NDE1: variants seen among roughly 807,000 people sequenced by gnomAD.
NDE1 encodes the protein nuclear distribution protein nudE homolog 1.
NDE1 carries 28 observed loss-of-function variants against 43.4 expected under a neutral mutation model. The observed-to-expected ratio is 0.65, with a 90% CI of 0.48 to 0.89. NDE1 has a LOEUF of 0.89. NDE1 is among the 40% of genes least tolerant of loss of function. NDE1 has a pLI of 0.00. For synonymous variants in NDE1, 184 were observed against 172.0 expected (o/e 1.07, Z -0.55); for missense variants, 441 against 434.1 (o/e 1.02, Z -0.14).
At position 15,725,214 on chromosome 16, in the gene NDE1, G is replaced by A. The variant is rs916061965; in HGVS notation, c.*963G>A. The A allele has an allele frequency of 4.1e-5, 25 of 612,940 alleles. No homozygotes were observed. The highest frequency in any genetic ancestry group is 6.9e-5 in the Non-Finnish European group (24 of 349,048). The allele number at this position is 612,940 out of a possible 1,614,324, so 38.0% of individuals were successfully genotyped here. The stretch of plus-strand genomic sequence containing the variant: ...GGGAACTCCGTCACCTATGAGTTGG[G>A]ACCCTGGCCCTAGACTCTGTGGTTC... On this transcript the variant is annotated 3_prime_UTR_variant, in exon 9 of 9. Transcript: ENST00000396354.
chr16:15,721,637 A>G (rs112078377), intron 8 of NDE1: 7 of 1,613,976 alleles, frequency 4.3e-6, no homozygotes, highest in African/African-American at 2.7e-5. Flanking sequence ...GCTAACAACT[A>G]CAACACAAGA....
chr16:15,694,750 C>G, intron 7 of NDE1: 9 of 985,410 alleles, frequency 9.1e-6, no homozygotes, highest in Non-Finnish European at 1.1e-5. Context: ...ACTCAGAGCT[C>G]TGACTCGAAG....
chr16:15,696,863 C>T lies in NDE1; in HGVS notation c.947+3C>T, dbSNP rs1229212912. The T allele has an allele frequency of 1.2e-6, 2 of 1,614,016 alleles. No homozygotes were observed. The highest frequency in any genetic ancestry group is 1.7e-6 in the Non-Finnish European group (2 of 1,180,002). ...AGCGTGCCTTTGGGTGATAAGGGGT[C>T]AGTACCTTCTAATAAACCTCTCGCT... On this transcript the variant is annotated splice_donor_region_variant and intron_variant, in intron 8 of 8. Coordinates refer to ENST00000396354, the MANE Select transcript of NDE1 (RefSeq NM_017668.3).
chr16:15,672,940 A>T (rs2037672828), intron 3 of NDE1, among the ~76,000 whole-genome samples: 1 of 152,084 alleles, frequency 6.6e-6, no homozygotes, highest in Non-Finnish European at 1.5e-5. Context: ...GGCAGCAGGG[A>T]TGTGGTCCGC....
intron 1 of NDE1, among the ~76,000 whole-genome samples, chr16:15,653,236 G>A (rs1242834639): frequency 6.6e-6 from 1 of 152,136 alleles, no homozygotes; most frequent in Non-Finnish European, 1.5e-5. Context: ...TGACATTGAG[G>A]TTTCCAGTTT....
chr16:15,719,374 T>G, intron 8 of NDE1: 1 of 1,558,692 alleles, frequency 6.4e-7, no homozygotes, highest in Non-Finnish European at 8.7e-7. Context: ...GAGTCCACCC[T>G]GACAACTCAG....
At chr16:15,714,780 A>C (rs2040023509) in intron 8 of NDE1, 8 of 1,179,494 alleles carry the variant, frequency 6.8e-6, no homozygotes, top group Non-Finnish European at 9.9e-6. Flanking sequence ...AAGGAGAAGC[A>C]GGAATAAACC....
intron 4 of NDE1, among the ~76,000 whole-genome samples, chr16:15,678,214 C>T (rs1008784440): frequency 1.3e-5 from 2 of 152,138 alleles, no homozygotes; most frequent in Non-Finnish European, 2.9e-5. Flanking sequence ...CTGGGAGCGT[C>T]AGGCGAGCCT....
At chr16:15,704,227 T>C (rs1358546699) in intron 8 of NDE1, 1 of 1,412,014 alleles carries the variant, frequency 7.1e-7, no homozygotes, top group African/African-American at 1.5e-5. Flanking sequence ...CCTATTGCAA[T>C]ATAAATTTTT....
rs766093291 is a variant in NDE1 at position 15,721,493 on chromosome 16, C to T, written c.948-2698C>T. 2.5e-6 allele frequency: 4 copies of T among 1,614,194 alleles called. No individual in the cohort carries two copies. Among genetic ancestry groups the T allele is most frequent in the Non-Finnish European group, 3.4e-6 (4 of 1,180,044 alleles). ...GCTTTGAGCATTTTGTTGGTCCGCT[C>T]GAGTTCCTCTTTGGCTTCCAAGGCC... On this transcript the variant is annotated intron_variant, in intron 8 of 8. Transcript: ENST00000396354.
At chr16:15,722,837 G>A (rs982711872) in intron 8 of NDE1, among the ~76,000 whole-genome samples, 10 of 152,130 alleles carry the variant, frequency 6.6e-5, no homozygotes, top group Non-Finnish European at 1.5e-4. Flanking sequence ...ACCCCACCCT[G>A]GGTTCAAGCG....
At chr16:15,675,791 G>A (rs1198627293) in intron 3 of NDE1, among the ~76,000 whole-genome samples, 2 of 152,178 alleles carry the variant, frequency 1.3e-5, no homozygotes. Flanking sequence ...GAGCTCGGGA[G>A]TGGGCAGGTG....
chr16:15,688,820 C>T (rs1293079098), intron 5 of NDE1, among the ~76,000 whole-genome samples: 1 of 148,226 alleles, frequency 6.7e-6, no homozygotes, highest in Non-Finnish European at 1.5e-5. Context: ...GCTTCAGCCT[C>T]CTGAGTAGCT....
chr16:15,697,718 GTTAA>G (rs1010202181), intron 8 of NDE1, among the ~76,000 whole-genome samples: 1 of 151,794 alleles, frequency 6.6e-6, no homozygotes. Flanking sequence ...ATATCAAAAA[GTTAA>G]TTAATTAGTT....
chr16:15,672,884 G>C (rs2037669277), intron 3 of NDE1: 1 of 152,278 alleles, frequency 6.6e-6, no homozygotes, highest in Non-Finnish European at 1.5e-5. Context: ...GCTGGGTGCA[G>C]ATACTTCTCT....
intron 8 of NDE1, chr16:15,721,338 G>A: frequency 6.9e-7 from 1 of 1,455,098 alleles, no homozygotes; most frequent in Non-Finnish European, 9.6e-7. Flanking sequence ...AAAAGGCCAG[G>A]AGCTAGCCTC....
chr16:15,668,234 C>T (rs959437008), intron 3 of NDE1, among the ~76,000 whole-genome samples: 16 of 152,116 alleles, frequency 1.1e-4, no homozygotes, highest in African/African-American at 3.6e-4. Flanking sequence ...TGGTGGTACA[C>T]GCCTATAGTC....
chr16:15,718,610 C>T (rs962692522), intron 8 of NDE1: 39 of 1,034,322 alleles, frequency 3.8e-5, no homozygotes, highest in Middle Eastern at 3.2e-4. Flanking sequence ...AGTGGACAGC[C>T]GGGACTCAGG....
rs772019498 is a variant in NDE1, at chr16:15,703,687, G to A, written c.947+6827G>A. 1.9e-4 allele frequency: 85 copies of A among 456,304 alleles called. No individual in the cohort carries two copies. The highest frequency in any genetic ancestry group is 2.9e-4 in the Non-Finnish European group (72 of 245,712). 28.3% of individuals were successfully genotyped at this position (456,304 alleles called of 1,614,324 possible). A position where few individuals can be genotyped will look rare whatever the true frequency, so the allele number is the denominator to read the frequency against. On this transcript the variant is annotated intron_variant, in intron 8 of 8. Coordinates refer to ENST00000396354, the MANE Select transcript of NDE1 (RefSeq NM_017668.3). ...CATTGCAGCCTCGAAGTCCTGGGCT[G>A]GAGCGTTCTTCCTGGCTCAGCCTCC...
Sources: allele counts gnomAD v4.1 joint callset (sites outside exome capture counted in the v4.1 genomes callset), GRCh38; gene constraint gnomAD v4.1.1; transcripts MANE v1.5; gene names NCBI Gene and HGNC (gene_info 2026-07-23, HGNC 2026-07-21).